Variants in CNTN5 observed in about 807,000 individuals in gnomAD.
The protein encoded by CNTN5 is contactin 5, also known as contactin-5.
CNTN5 carries 77 observed loss-of-function variants against 129.1 expected under a neutral mutation model. The ratio of observed to expected loss-of-function variants is 0.60; its 90% CI spans 0.50 to 0.72. CNTN5 has a LOEUF of 0.72. Among genes scored for constraint, CNTN5 ranks in the 30% least tolerant of loss-of-function variants. CNTN5 has a pLI of 0.00. For missense variants in CNTN5, 1,478 were observed against 1,328.8 expected (o/e 1.11, Z -1.75); for synonymous variants, 509 against 465.6 (o/e 1.09, Z -1.20).
In CNTN5 at chr11:100,280,568, T is replaced by C. The variant is rs202221448; in HGVS notation, c.2314+9327T>C. ...TATCCCTGTGTTTTCAATCTATGAG[T>C]GTCTTTATAGGTGAAGTGTGTTGCT... is the stretch of plus-strand genomic sequence containing the variant. On this transcript the variant is annotated intron_variant, in intron 18 of 24. Coordinates refer to ENST00000524871, the MANE Select transcript of CNTN5 (RefSeq NM_014361.4). Among the ~76,000 whole-genome samples the C allele has an allele frequency of 2.0e-5, 3 of 152,060 alleles. No homozygotes were observed. In the East Asian group the frequency reaches 5.8e-4, roughly 29 times the overall value.
chr11:99,391,641 T>A (rs1227825420), intron 2 of CNTN5, among the ~76,000 whole-genome samples: 2 of 152,030 alleles, frequency 1.3e-5, no homozygotes, highest in African/African-American at 4.8e-5. Context: ...ATTCATAATA[T>A]AGAAAGGTGA....
At chr11:99,522,661 T>G (rs1215866832) in intron 2 of CNTN5, among the ~76,000 whole-genome samples, 1 of 152,220 alleles carries the variant, frequency 6.6e-6, no homozygotes, top group Non-Finnish European at 1.5e-5. Flanking sequence ...TTGGATTTTC[T>G]GCCTTTAATG....
At chr11:99,705,308 C>T (rs1184010066) in intron 3 of CNTN5, among the ~76,000 whole-genome samples, 1 of 151,330 alleles carries the variant, frequency 6.6e-6, no homozygotes, top group Non-Finnish European at 1.5e-5. Flanking sequence ...CAGATATGCT[C>T]TAAGAAGAGT....
At chr11:100,104,664 A>G (rs1004045574) in intron 13 of CNTN5, among the ~76,000 whole-genome samples, 1 of 152,174 alleles carries the variant, frequency 6.6e-6, no homozygotes. Flanking sequence ...ACAGGTAAAC[A>G]TACTGTTTTC....
chr11:99,623,670 A>C (rs1216216490), intron 3 of CNTN5, among the ~76,000 whole-genome samples: 1 of 151,912 alleles, frequency 6.6e-6, no homozygotes, highest in Non-Finnish European at 1.5e-5. Flanking sequence ...GCATAGTTCC[A>C]TAAAAGAAAT....
At position 100,246,851 on chromosome 11, in the gene CNTN5, A is replaced by G. The variant is rs77974968; in HGVS notation, c.2006-8909A>G. 3.2e-3 allele frequency among the ~76,000 whole-genome samples: 482 copies of G among 152,324 alleles called. 29 individuals carry two copies. In the East Asian group the frequency reaches 0.078, roughly 25 times the overall value. ...TAAGCTAATAAAAATTATTAATTCA[A>G]TGACTTATTATAAATCTATTTCATA... On this transcript the variant is annotated intron_variant, in intron 16 of 24. Transcript: ENST00000524871.
intron 3 of CNTN5, among the ~76,000 whole-genome samples, chr11:99,581,115 G>T (rs1409902388): frequency 0.019 from 2,066 of 110,398 alleles, no homozygotes; most frequent in East Asian, 0.024. Context: ...GGAGCAGGTT[G>T]TTCAGTTTCC....
intron 3 of CNTN5, among the ~76,000 whole-genome samples, chr11:99,633,843 G>A (rs370677930): frequency 1.1e-3 from 172 of 152,288 alleles, no homozygotes; most frequent in Middle Eastern, 6.8e-3. Flanking sequence ...TAGGCAAGAA[G>A]CATCTAAAAT....
At chr11:100,130,221 A>G (rs1247764285) in intron 13 of CNTN5, among the ~76,000 whole-genome samples, 2 of 152,166 alleles carry the variant, frequency 1.3e-5, no homozygotes, top group Non-Finnish European at 2.9e-5. Flanking sequence ...GTCATTTGAA[A>G]GCTTACCTTT....
rs1386343183 is a variant in CNTN5, at chr11:99,462,807, C to T, written c.-70-93338C>T. ...TTTCAACTAGAAAATGCAATAGCTT[C>T]GGCACGACGGCTCATGCCTGTAATC... On this transcript the variant is annotated intron_variant, in intron 2 of 24. Coordinates refer to ENST00000524871, the MANE Select transcript of CNTN5 (RefSeq NM_014361.4). Among the ~76,000 whole-genome samples the T allele has an allele frequency of 2.0e-5, 3 of 152,070 alleles. No individual in the cohort carries two copies. The East Asian group carries it at 5.8e-4, about 29-fold the overall frequency.
At chr11:99,282,082 T>C (rs927633036) in intron 1 of CNTN5, among the ~76,000 whole-genome samples, 2 of 152,012 alleles carry the variant, frequency 1.3e-5, no homozygotes, top group East Asian at 3.9e-4. Context: ...CAGGTCCCCG[T>C]TGGTATTGTC....
chr11:100,018,125 A>C (rs566421883), intron 9 of CNTN5, among the ~76,000 whole-genome samples: 11 of 152,054 alleles, frequency 7.2e-5, no homozygotes, highest in Non-Finnish European at 1.2e-4. Context: ...GTATTTCTTC[A>C]GGCATCTTTT....
chr11:100,318,907 G>T (rs17094870), intron 21 of CNTN5, among the ~76,000 whole-genome samples: 1 of 152,124 alleles, frequency 6.6e-6, no homozygotes, highest in African/African-American at 2.4e-5. Context: ...AAATAGCCGA[G>T]ACTTTATTTT....
At chr11:99,833,488 A>G (rs1024054919) in intron 4 of CNTN5, among the ~76,000 whole-genome samples, 2 of 152,198 alleles carry the variant, frequency 1.3e-5, no homozygotes, top group African/African-American at 4.8e-5. Flanking sequence ...ATATTATAAA[A>G]TAATCTTTGT....
intron 1 of CNTN5, among the ~76,000 whole-genome samples, chr11:99,082,419 G>T (rs1292901914): frequency 6.6e-6 from 1 of 152,026 alleles, no homozygotes. Flanking sequence ...TCTTGACCTC[G>T]TGATCCGCCC....
chr11:99,695,749 C>T (rs371035601), intron 3 of CNTN5, among the ~76,000 whole-genome samples: 3 of 151,576 alleles, frequency 2.0e-5, no homozygotes, highest in Admixed American at 6.6e-5. Flanking sequence ...AGAAAGAAAG[C>T]GAAAAAATAA....
intron 6 of CNTN5, among the ~76,000 whole-genome samples, chr11:99,890,565 A>ATG (rs145649414): frequency 6.7e-6 from 1 of 150,150 alleles, no homozygotes; most frequent in African/African-American, 2.5e-5. Flanking sequence ...TGAAATAGAC[A>ATG]TGTGTGTGTG....
chr11:100,059,153 T>C (rs1490291606), intron 9 of CNTN5, among the ~76,000 whole-genome samples: 1 of 152,166 alleles, frequency 6.6e-6, no homozygotes, highest in Non-Finnish European at 1.5e-5. Flanking sequence ...ACATTTTAAA[T>C]ATTGTGGGAC....
rs143472938 is a variant in CNTN5 at position 99,357,854 on chromosome 11, G to A, written c.-71+32370G>A. Among the ~76,000 whole-genome samples the A allele has an allele frequency of 1.5e-4, 23 of 150,906 alleles. No homozygotes were observed. The South Asian group carries it at 4.2e-3, about 28-fold the overall frequency. The stretch of plus-strand genomic sequence containing the variant: ...TGTGTCCAATATTAAGACTCTACTA[G>A]TGTCTCCTTTGAAACACTTTCAACC... On this transcript the variant is annotated intron_variant, in intron 2 of 24. Transcript: ENST00000524871.
Sources: allele counts gnomAD v4.1 joint callset (sites outside exome capture counted in the v4.1 genomes callset), GRCh38; gene constraint gnomAD v4.1.1; transcripts MANE v1.5; gene names NCBI Gene and HGNC (gene_info 2026-07-23, HGNC 2026-07-21).